Variants in STX1A observed in about 807,000 individuals in gnomAD.
STX1A encodes the protein syntaxin 1A.
A neutral mutation model predicts 37.8 loss-of-function variants in STX1A; 4 were observed. That is an observed-to-expected ratio of 0.11 (90% confidence interval 0.05 to 0.24). STX1A has a LOEUF of 0.24. Ranked by LOEUF, STX1A falls within the 10% of genes least tolerant of loss-of-function variation. The probability of loss-of-function intolerance (pLI) is 1.00; values close to 1 mark genes in which losing one functional copy is unlikely to be tolerated. For synonymous variants in STX1A, 135 were observed against 147.4 expected (o/e 0.92, Z 0.61); for missense variants, 251 against 399.9 (o/e 0.63, Z 3.18).
intron 1 of STX1A, among the ~76,000 whole-genome samples, chr7:73,712,817 C>G (rs1406782267): frequency 6.6e-6 from 1 of 152,174 alleles, no homozygotes; most frequent in Non-Finnish European, 1.5e-5. Context: ...CCTTCCCTTT[C>G]AGATCCTTCC....
rs1224425688 is a variant in STX1A at position 73,702,448 on chromosome 7, G to T, written c.678+397C>A. The T allele has an allele frequency of 5.3e-5, 20 of 374,370 alleles. No individual in the cohort carries two copies. The highest frequency in any genetic ancestry group is 1.2e-4 in the South Asian group (1 of 8,250). The allele number at this position is 374,370 out of a possible 1,614,324, so 23.2% of individuals were successfully genotyped here. A position where few individuals can be genotyped will look rare whatever the true frequency, so the allele number is the denominator to read the frequency against. On this transcript the variant is annotated intron_variant, in intron 8 of 9. Transcript: ENST00000222812. The surrounding 1 kb of genome is among the most constrained non-coding windows in gnomAD (Gnocchi z 4.7). ...GTTTGAGCCCCACTGGAGAACCTTC[G>T]ATTTGTTCTTAGGCAACTCTTTTGC... is the stretch of plus-strand genomic sequence containing the variant.
At position 73,702,687 on chromosome 7, in the gene STX1A, G is replaced by C. The variant is rs1427617899; in HGVS notation, c.678+158C>G. The C allele has an allele frequency of 6.7e-7, 1 of 1,494,544 alleles. No homozygotes were observed. Among genetic ancestry groups the C allele is most frequent in the East Asian group, 2.4e-5 (1 of 41,262 alleles). The allele number at this position is 1,494,544 out of a possible 1,614,324, so 92.6% of individuals were successfully genotyped here. ...TGCAGAGGACAGGGACCTTCGGGTC[G>C]GCAGGGCCCTGGCGGCAGTTTCAAC... On this transcript the variant is annotated intron_variant, in intron 8 of 9. Transcript: ENST00000222812. This position sits in a 1 kb window ranked among gnomAD's most constrained non-coding sequence, Gnocchi z 4.7.
rs781840155 is a variant in STX1A at position 73,717,454 on chromosome 7, C to T, written c.30+2148G>A. Among the ~76,000 whole-genome samples, 2 of 152,162 alleles carry T rather than the reference C, an allele frequency of 1.3e-5. No individual in the cohort carries two copies. The highest frequency in any genetic ancestry group is 2.9e-5 in the Non-Finnish European group (2 of 68,020). Reference sequence around the variant, plus strand: ...AGACCTGTAGCCCTGCTTCTCGTCCCGAGAAACTGAATTCTAGGCTTTCCC... The same window carrying T: ...AGACCTGTAGCCCTGCTTCTCGTCCTGAGAAACTGAATTCTAGGCTTTCCC... On this transcript the variant is annotated intron_variant, in intron 1 of 9. Coordinates refer to ENST00000222812, the MANE Select transcript of STX1A (RefSeq NM_004603.4). This position sits in a 1 kb window ranked among gnomAD's most constrained non-coding sequence, Gnocchi z 4.1.
Position 73,700,858 on chromosome 7 carries a change from C to T in STX1A, c.679-18G>A, listed in dbSNP as rs1554615763. 4 of 1,612,062 alleles carry T rather than the reference C, an allele frequency of 2.5e-6. No individual in the cohort carries two copies. The highest frequency in any genetic ancestry group is 2.5e-6 in the Non-Finnish European group (3 of 1,179,922). Reference sequence around the variant, plus strand: ...ATCTCTCCCTGCGGGGCCGGGGGCACCCGAGCTCCAGAGGGCCCCCTCCTC... The same window carrying T: ...ATCTCTCCCTGCGGGGCCGGGGGCATCCGAGCTCCAGAGGGCCCCCTCCTC... On this transcript the variant is annotated intron_variant, in intron 8 of 9. Transcript: ENST00000222812. The surrounding 1 kb of genome is among the most constrained non-coding windows in gnomAD (Gnocchi z 4.4).
intron 4 of STX1A, 49 bp from the exon 5 acceptor site, chr7:73,704,472 G>GTC (rs1278802455): frequency 1.2e-6 from 2 of 1,604,200 alleles, no homozygotes; most frequent in Non-Finnish European, 1.7e-6. Context: ...CTTCAACCCC[G>GTC]TCCCCTACCC....
chr7:73,704,568 G>A (rs1244980513), intron 4 of STX1A, 145 bp from the exon 5 acceptor site: 6 of 981,268 alleles, frequency 6.1e-6, no homozygotes, highest in African/African-American at 1.6e-5. Flanking sequence ...AGGCACCGAT[G>A]GAGGAGGGGC....
chr7:73,704,244 A>T lies in STX1A; in HGVS notation c.370T>A (p.Ser124Thr). 6.2e-7 allele frequency: 1 copy of T among 1,613,884 alleles called. No individual in the cohort carries two copies. The highest frequency in any genetic ancestry group is 8.5e-7 in the Non-Finnish European group (1 of 1,179,982). The change falls in exon 6 of 10, where the codon TCC becomes ACC. Residue 124 changes from serine to threonine, a missense_variant. This residue lies in a region of STX1A where 214 missense variants were observed against 367.6 expected (regional missense o/e 0.58). Transcript: ENST00000222812. ...RIRKTQHSTL[S>T]RKFVEVMSEY... The stretch of plus-strand genomic sequence containing the variant: ...GACATGACCTCCACAAACTTTCTGG[A>T]CAGCGTGGAGTGCTGGGGGCCCGAG...
Position 73,700,659 on chromosome 7 carries a change from A to C in STX1A, c.789+71T>G. On this transcript the variant is annotated intron_variant, in intron 9 of 9. Coordinates refer to ENST00000222812, the MANE Select transcript of STX1A (RefSeq NM_004603.4). The surrounding 1 kb of genome is among the most constrained non-coding windows in gnomAD (Gnocchi z 4.4). ...GAGAAGGGAGAGAGGTGGGATGGGG[A>C]GGGATGTGGGATGGTTGGGGGTCCC... 1.3e-6 allele frequency: 2 copies of C among 1,579,712 alleles called. No homozygotes were observed. Among genetic ancestry groups the C allele is most frequent in the Non-Finnish European group, 1.7e-6 (2 of 1,158,156 alleles).
At chr7:73,711,334 C>T (rs11973069) in intron 1 of STX1A, 4,531 of 153,110 alleles carry the variant, frequency 0.03, 215 homozygotes, top group African/African-American at 0.1. Flanking sequence ...GAGGGGCTCA[C>T]ATCACCCCAT....
At chr7:73,708,780 G>A (rs1214231853) in intron 2 of STX1A, 92 bp from the exon 3 acceptor site, 12 of 1,389,948 alleles carry the variant, frequency 8.6e-6, no homozygotes, top group African/African-American at 5.7e-5. Flanking sequence ...TGCGGTCAGG[G>A]CTCAGGGGGA....
chr7:73,710,248 A>ATTATTAC (rs1799050607), intron 1 of STX1A, among the ~76,000 whole-genome samples: 1 of 152,246 alleles, frequency 6.6e-6, no homozygotes, highest in South Asian at 2.1e-4. Context: ...ACTTCCCAGC[A>ATTATTAC]TGCTGCGCAC....
rs782765261 is a variant in STX1A at position 73,700,489 on chromosome 7, A to G, written c.790-5T>C. ...GATGATGATCATGATTTTCTTCTGC[A>G]TGGGAAGCGGGCAGGAGAGGCCTCA... is the stretch of plus-strand genomic sequence containing the variant. On this transcript the variant is annotated splice_polypyrimidine_tract_variant and splice_region_variant and intron_variant, in intron 9 of 9. Coordinates refer to ENST00000222812, the MANE Select transcript of STX1A (RefSeq NM_004603.4). This position sits in a 1 kb window ranked among gnomAD's most constrained non-coding sequence, Gnocchi z 4.4. 8 of 1,613,744 alleles carry G rather than the reference A, an allele frequency of 5.0e-6. No individual in the cohort carries two copies. The highest frequency in any genetic ancestry group is 5.9e-6 in the Non-Finnish European group (7 of 1,179,964).
chr7:73,704,780 A>C, intron 4 of STX1A: 1 of 504,984 alleles, frequency 2.0e-6, no homozygotes, highest in South Asian at 2.2e-5. Flanking sequence ...CCTGCAGGGC[A>C]TGTGGCCCCG....
In STX1A at chr7:73,719,584, C is replaced by T; in HGVS notation, c.30+18G>A. On this transcript the variant is annotated intron_variant, in intron 1 of 9. Transcript: ENST00000222812. ...TGGCGGCGGGCGGCGGGCGGCCGCG[C>T]GCTGGGGCCGGACTCACCGTGCGGA... The T allele has an allele frequency of 8.3e-7, 1 of 1,208,348 alleles. No homozygotes were observed. The highest frequency in any genetic ancestry group is 1.0e-6 in the Non-Finnish European group (1 of 968,258). 74.9% of individuals were successfully genotyped at this position (1,208,348 alleles called of 1,614,324 possible).
At chr7:73,707,691 T>C (rs960347803) in intron 3 of STX1A, among the ~76,000 whole-genome samples, 1 of 152,080 alleles carries the variant, frequency 6.6e-6, no homozygotes, top group Non-Finnish European at 1.5e-5. Context: ...CCCAGCACTT[T>C]GGGAGGCCGA....
In STX1A at chr7:73,719,645, G is replaced by T. The variant is rs1460628302; in HGVS notation, c.-14C>A. On this transcript the variant is annotated 5_prime_UTR_variant, in exon 1 of 10. Coordinates refer to ENST00000222812, the MANE Select transcript of STX1A (RefSeq NM_004603.4). Reference sequence around the variant, plus strand: ...TCGGTCCTTCATGCTCCCGGGAGTGGCAGCGGCGCCGGCTGCAGCCGTGTG... The same window carrying T: ...TCGGTCCTTCATGCTCCCGGGAGTGTCAGCGGCGCCGGCTGCAGCCGTGTG... 8.4e-7 allele frequency: 1 copy of T among 1,191,026 alleles called. No individual in the cohort carries two copies. The allele number at this position is 1,191,026 out of a possible 1,614,324, so 73.8% of individuals were successfully genotyped here. A position where few individuals can be genotyped will look rare whatever the true frequency, so the allele number is the denominator to read the frequency against.
chr7:73,709,076 C>T lies in STX1A; in HGVS notation c.77G>A (p.Arg26Gln), dbSNP rs1364135079. The T allele has an allele frequency of 1.9e-5, 30 of 1,613,906 alleles. No individual in the cohort carries two copies. The highest frequency in any genetic ancestry group is 5.3e-5 in the African/African-American group (4 of 74,902). Residue 26 changes from arginine (R) to glutamine (Q), a missense_variant, in exon 2 of 10, where the codon CGA becomes CAA. Transcript: ENST00000222812. This position sits in a 1 kb window ranked among gnomAD's most constrained non-coding sequence, Gnocchi z 4.2. Reference sequence around the variant, plus strand: ...AAAGAACTCATCCATGAAGCGGTCTCGGTCCACGGTGACAGCGACATCATC... The same window carrying T: ...AAAGAACTCATCCATGAAGCGGTCTTGGTCCACGGTGACAGCGACATCATC... The part of the protein sequence containing the change: ...DDDDVAVTVD[R>Q]DRFMDEFFEQ...
chr7:73,701,054 G>C, intron 8 of STX1A: 1 of 889,460 alleles, frequency 1.1e-6, no homozygotes, highest in Non-Finnish European at 1.7e-6. Context: ...TCCCCGCAGA[G>C]CAGCAATCCT....
chr7:73,700,506 G>A lies in STX1A; in HGVS notation c.790-22C>T, dbSNP rs782543535. The A allele has an allele frequency of 9.3e-6, 15 of 1,613,240 alleles. No homozygotes were observed. In the East Asian group the frequency reaches 2.9e-4, roughly 31 times the overall value. On this transcript the variant is annotated intron_variant, in intron 9 of 9. Coordinates refer to ENST00000222812, the MANE Select transcript of STX1A (RefSeq NM_004603.4). The surrounding 1 kb of genome is among the most constrained non-coding windows in gnomAD (Gnocchi z 4.4). ...TCTTCTGCATGGGAAGCGGGCAGGA[G>A]AGGCCTCAGACAGTGTTGGCGGCAG...
Sources: allele counts gnomAD v4.1 joint callset (sites outside exome capture counted in the v4.1 genomes callset), GRCh38; gene constraint gnomAD v4.1.1; regional missense constraint gnomAD v4.1.1; non-coding constraint Gnocchi (gnomAD v3.1); transcripts MANE v1.5; gene names NCBI Gene and HGNC (gene_info 2026-07-23, HGNC 2026-07-21).